The following MAPK10 variants were observed in gnomAD, a reference collection of about 807,000 sequenced individuals.
The protein encoded by MAPK10 is JNK3 alpha protein kinase.
MAPK10 carries 25 observed loss-of-function variants against 59.3 expected under a neutral mutation model. That is an observed-to-expected ratio of 0.42 (90% CI 0.31 to 0.59). The LOEUF (loss-of-function observed/expected upper bound fraction) is 0.59, where lower values mean the gene tolerates loss of function less well. MAPK10 is among the 20% of genes least tolerant of loss of function. The probability of loss-of-function intolerance (pLI) is 0.15; values close to 1 mark genes in which losing one functional copy is unlikely to be tolerated. For missense variants in MAPK10, 351 were observed against 568.9 expected (o/e 0.62, Z 3.90); for synonymous variants, 190 against 200.5 (o/e 0.95, Z 0.44).
intron 2 of MAPK10, among the ~76,000 whole-genome samples, chr4:86,225,310 T>C (rs2090416111): frequency 6.6e-6 from 1 of 152,190 alleles, no homozygotes; most frequent in Admixed American, 6.5e-5. Context: ...CAAATTTTTG[T>C]ACATCCCAGA....
chr4:86,558,703 T>A (rs1402706240), intron 1 of MAPK10, among the ~76,000 whole-genome samples: 1 of 152,160 alleles, frequency 6.6e-6, no homozygotes, highest in Non-Finnish European at 1.5e-5. Context: ...AGAATTTATT[T>A]TATTGCTTTC....
intron 2 of MAPK10, among the ~76,000 whole-genome samples, chr4:86,307,523 G>A (rs2095591897): frequency 6.6e-6 from 1 of 152,158 alleles, no homozygotes; most frequent in South Asian, 2.1e-4. Flanking sequence ...GTAAGTTAGA[G>A]AAAGGAGAAA....
chr4:86,181,030 T>C (rs938588593), intron 3 of MAPK10, among the ~76,000 whole-genome samples: 2 of 152,092 alleles, frequency 1.3e-5, no homozygotes, highest in Admixed American at 1.3e-4. Context: ...ATGTTTGAGA[T>C]GATGGATATG....
intron 1 of MAPK10, among the ~76,000 whole-genome samples, chr4:86,446,272 T>C (rs576651086): frequency 1.4e-4 from 22 of 152,162 alleles, no homozygotes; most frequent in Non-Finnish European, 3.1e-4. Flanking sequence ...CTAAATAAAG[T>C]AAAATCGTGG....
At chr4:86,389,824 G>A (rs960141041) in intron 1 of MAPK10, among the ~76,000 whole-genome samples, 1 of 152,178 alleles carries the variant, frequency 6.6e-6, no homozygotes, top group East Asian at 1.9e-4. Context: ...TTCAGAGTAT[G>A]TTACTAAAAG....
In MAPK10 at chr4:86,228,025, G is replaced by C. The variant is rs577189077; in HGVS notation, c.-6-33618C>G. On this transcript the variant is annotated intron_variant, in intron 2 of 13. Coordinates refer to ENST00000641462, the MANE Select transcript of MAPK10 (RefSeq NM_138982.4). Reference sequence around the variant, plus strand: ...TCAGGAGGTGAGACGAAAGAGCATGGCCCAAATCCTTGTTGGCTATTTATT... The same window carrying C: ...TCAGGAGGTGAGACGAAAGAGCATGCCCCAAATCCTTGTTGGCTATTTATT... Among the ~76,000 whole-genome samples, 9 of 152,260 alleles carry C rather than the reference G, an allele frequency of 5.9e-5. No individual in the cohort carries two copies. The South Asian group carries it at 1.9e-3, about 32-fold the overall frequency.
chr4:86,066,408 A>G (rs1722698080), intron 10 of MAPK10, among the ~76,000 whole-genome samples: 1 of 152,148 alleles, frequency 6.6e-6, no homozygotes, highest in Admixed American at 6.5e-5. Context: ...TTTACATCCA[A>G]ATTCATGTAC....
At chr4:86,118,929 C>G (rs1199386561) in intron 4 of MAPK10, among the ~76,000 whole-genome samples, 1 of 152,124 alleles carries the variant, frequency 6.6e-6, no homozygotes, top group Non-Finnish European at 1.5e-5. Flanking sequence ...CAATTGTTCC[C>G]CCTAACAGGA....
intron 3 of MAPK10, among the ~76,000 whole-genome samples, chr4:86,168,557 G>T (rs189020474): frequency 2.0e-5 from 3 of 152,196 alleles, no homozygotes; most frequent in South Asian, 4.1e-4. Flanking sequence ...AAAGCAGCCC[G>T]GAAGCTCCAA....
chr4:86,198,700 G>T, intron 2 of MAPK10, among the ~76,000 whole-genome samples: 1 of 151,612 alleles, frequency 6.6e-6, no homozygotes, highest in East Asian at 1.9e-4. Flanking sequence ...TATATGCTAA[G>T]CTTTGAAAAA....
At chr4:86,525,734 G>C (rs1757433904) in intron 1 of MAPK10, among the ~76,000 whole-genome samples, 1 of 152,312 alleles carries the variant, frequency 6.6e-6, no homozygotes, top group African/African-American at 2.4e-5. Flanking sequence ...CTCTGAACAA[G>C]CACCTAATCT....
chr4:86,490,677 AC>A (rs1754389240), intron 1 of MAPK10, among the ~76,000 whole-genome samples: 1 of 152,078 alleles, frequency 6.6e-6, no homozygotes. Flanking sequence ...CTTCTAATTC[AC>A]CCACGCAGAG....
At chr4:86,490,803 A>G (rs1310412470) in intron 1 of MAPK10, among the ~76,000 whole-genome samples, 2 of 152,228 alleles carry the variant, frequency 1.3e-5, no homozygotes, top group Non-Finnish European at 2.9e-5. Context: ...ATGTGCTAAC[A>G]GCAGCCTGTT....
intron 1 of MAPK10, among the ~76,000 whole-genome samples, chr4:86,508,305 T>G (rs991108043): frequency 4.6e-5 from 7 of 152,162 alleles, no homozygotes; most frequent in South Asian, 4.1e-4. Context: ...ATAGTGAATC[T>G]TCTCTAGGAC....
intron 4 of MAPK10, among the ~76,000 whole-genome samples, chr4:86,157,676 T>C (rs935839467): frequency 1.3e-5 from 2 of 152,098 alleles, no homozygotes; most frequent in Non-Finnish European, 2.9e-5. Flanking sequence ...GCAGTATCTA[T>C]ATCTAAGCCA....
intron 1 of MAPK10, among the ~76,000 whole-genome samples, chr4:86,414,549 A>C (rs1745619272): frequency 6.6e-6 from 1 of 152,354 alleles, no homozygotes; most frequent in Middle Eastern, 3.4e-3. Context: ...TACAGCCAAA[A>C]TAATTGCAGG....
At chr4:86,569,113 A>G (rs1454800827) in intron 1 of MAPK10, among the ~76,000 whole-genome samples, 1 of 151,520 alleles carries the variant, frequency 6.6e-6, no homozygotes, top group African/African-American at 2.4e-5. Flanking sequence ...AAAAAAACAA[A>G]TAACTCCACT....
At chr4:86,215,082 G>A (rs1164628679) in intron 2 of MAPK10, among the ~76,000 whole-genome samples, 1 of 152,164 alleles carries the variant, frequency 6.6e-6, no homozygotes, top group East Asian at 1.9e-4. Flanking sequence ...CAATGAAATA[G>A]AATAGGAACC....
chr4:86,461,225 C>G (rs546009781), intron 1 of MAPK10, among the ~76,000 whole-genome samples: 93 of 151,938 alleles, frequency 6.1e-4, no homozygotes, highest in Non-Finnish European at 1.0e-3. Context: ...AGAAACTGTG[C>G]CCAAGGCGGT....
Sources: allele counts gnomAD v4.1 joint callset (sites outside exome capture counted in the v4.1 genomes callset), GRCh38; gene constraint gnomAD v4.1.1; transcripts MANE v1.5; gene names NCBI Gene and HGNC (gene_info 2026-07-23, HGNC 2026-07-21).